The following ADGRF5 variants were observed in gnomAD, a reference collection of about 807,000 sequenced individuals.
ADGRF5 encodes the protein adhesion G protein-coupled receptor F5, also known as G-protein coupled receptor 116.
In ADGRF5, 75 loss-of-function variants were observed where a neutral mutation model predicts 132.3. The ratio of observed to expected loss-of-function variants is 0.57; its 90% CI spans 0.47 to 0.69. The LOEUF (loss-of-function observed/expected upper bound fraction) is 0.69. Ranked by LOEUF, ADGRF5 falls within the 30% of genes least tolerant of loss-of-function variation. ADGRF5 has a pLI of 0.00. For missense variants in ADGRF5, 1,516 were observed against 1,630.6 expected (o/e 0.93, Z 1.21); for synonymous variants, 629 against 597.6 (o/e 1.05, Z -0.77).
At chr6:46,912,150 G>A (rs111350640) in intron 1 of ADGRF5, among the ~76,000 whole-genome samples, 3 of 152,290 alleles carry the variant, frequency 2.0e-5, no homozygotes, top group African/African-American at 7.2e-5. Flanking sequence ...GTAAGTGACA[G>A]AGCCAGGATT....
intron 1 of ADGRF5, among the ~76,000 whole-genome samples, chr6:46,935,923 C>T (rs191494806): frequency 5.3e-5 from 8 of 152,296 alleles, no homozygotes; most frequent in African/African-American, 1.9e-4. Flanking sequence ...AAGGCGTCCT[C>T]CGGAATGAGG....
chr6:46,895,451 C>T (rs998987568), intron 3 of ADGRF5, among the ~76,000 whole-genome samples: 1 of 151,630 alleles, frequency 6.6e-6, no homozygotes, highest in East Asian at 2.0e-4. Flanking sequence ...GTCTGTTCCT[C>T]AACCTGGGAA....
intron 1 of ADGRF5, among the ~76,000 whole-genome samples, chr6:46,953,721 T>A (rs1445554749): frequency 4.3e-5 from 6 of 139,214 alleles, no homozygotes; most frequent in African/African-American, 1.6e-4. Flanking sequence ...TAGAATTGCA[T>A]ATTCCCAAGA....
At chr6:46,892,487 C>T (rs941184749) in intron 3 of ADGRF5, among the ~76,000 whole-genome samples, 1 of 152,150 alleles carries the variant, frequency 6.6e-6, no homozygotes, top group African/African-American at 2.4e-5. Flanking sequence ...CACGGTGGCT[C>T]ACGCTTGTAA....
intron 16 of ADGRF5, among the ~76,000 whole-genome samples, chr6:46,859,860 C>T (rs1370784458): frequency 5.6e-5 from 4 of 71,790 alleles, no homozygotes; most frequent in African/African-American, 1.6e-4. Context: ...AATCTTAAGC[C>T]TATATTTTTA....
intron 1 of ADGRF5, among the ~76,000 whole-genome samples, chr6:46,931,625 G>C (rs980604218): frequency 6.6e-6 from 1 of 152,236 alleles, no homozygotes; most frequent in African/African-American, 2.4e-5. Context: ...CCTAAGGCTT[G>C]GCCCAGGGGC....
At chr6:46,903,073 G>A (rs1774934276) in intron 2 of ADGRF5, among the ~76,000 whole-genome samples, 1 of 152,180 alleles carries the variant, frequency 6.6e-6, no homozygotes, top group Non-Finnish European at 1.5e-5. Flanking sequence ...AGTGGTGAGT[G>A]TCGTGTATCC....
chr6:46,926,294 G>A (rs973125669), upstream of ADGRF5, among the ~76,000 whole-genome samples: 7 of 152,142 alleles, frequency 4.6e-5, no homozygotes, highest in African/African-American at 1.7e-4. Context: ...AGATTGCAAA[G>A]CTTCCATTTT....
chr6:46,865,254 T>G (rs1035402614), intron 13 of ADGRF5, 57 bp from the exon 14 acceptor site: 1 of 1,251,484 alleles, frequency 8.0e-7, no homozygotes, highest in Non-Finnish European at 1.2e-6. Flanking sequence ...AATGCACAAA[T>G]TGTGTTAAGA....
chr6:46,867,480 A>T (rs958755358), intron 12 of ADGRF5, among the ~76,000 whole-genome samples: 2 of 152,150 alleles, frequency 1.3e-5, no homozygotes, highest in Admixed American at 1.3e-4. Context: ...AATAAATGGG[A>T]GTTTTGCCGT....
At chr6:46,868,826 T>G (rs752417204) in intron 12 of ADGRF5, 57 bp downstream of exon 12, 1 of 1,077,738 alleles carries the variant, frequency 9.3e-7, no homozygotes, top group Non-Finnish European at 1.4e-6. Flanking sequence ...TGGTAACTAT[T>G]ATTGCATGTT....
Position 46,881,521 on chromosome 6 carries a change from G to C in ADGRF5, c.748C>G (p.Gln250Glu). ...SLELIHKANE[Q>E]VVQSLNQTYK... ...GTCTGATTGAGGCTCTGTACAACTTGTTCATTGGCTTTATGTATTAACTCA... is the reference window on the plus strand; with the variant it reads ...GTCTGATTGAGGCTCTGTACAACTTCTTCATTGGCTTTATGTATTAACTCA... The change falls in exon 8 of 21, where the codon CAA becomes GAA. Residue 250 changes from glutamine to glutamate, a missense_variant. Transcript: ENST00000283296. The C allele has an allele frequency of 6.2e-7, 1 of 1,613,080 alleles. No homozygotes were observed. The highest frequency in any genetic ancestry group is 8.5e-7 in the Non-Finnish European group (1 of 1,179,042).
At chr6:46,901,461 G>C (rs1208795240) in intron 2 of ADGRF5, among the ~76,000 whole-genome samples, 1 of 152,186 alleles carries the variant, frequency 6.6e-6, no homozygotes, top group East Asian at 1.9e-4. Flanking sequence ...CGTCAGGGTT[G>C]TCTACCACTA....
rs200874020 is a variant in ADGRF5 at position 46,900,030 on chromosome 6, G to A, written c.156C>T (p.Ala52=). The change falls in exon 3 of 21, where the codon GCC becomes GCT. Residue 52 remains alanine (A), a splice_region_variant and synonymous_variant. Coordinates refer to ENST00000283296, the MANE Select transcript of ADGRF5 (RefSeq NM_001098518.2). ...ATTGCCAAGCAAGAGTTTACATACC[G>A]GCTCGTTTTTGCCTCAGTGCCTCTT... ...AGEEALRQKR[A]VATKSPTAEE... The A allele has an allele frequency of 2.2e-4, 356 of 1,605,242 alleles. 1 individual carries two copies. Among genetic ancestry groups the A allele is most frequent in the South Asian group, 5.6e-4 (51 of 90,856 alleles).
At chr6:46,933,570 T>C (rs1432722873) in intron 1 of ADGRF5, among the ~76,000 whole-genome samples, 2 of 152,184 alleles carry the variant, frequency 1.3e-5, no homozygotes, top group African/African-American at 4.8e-5. Flanking sequence ...TGAAGGTGAG[T>C]TGCTCTGCTT....
chr6:46,905,865 C>T (rs941105326), intron 2 of ADGRF5, among the ~76,000 whole-genome samples: 12 of 152,150 alleles, frequency 7.9e-5, no homozygotes, highest in African/African-American at 2.9e-4. Flanking sequence ...AGACACTGTT[C>T]TAGAGCATCT....
chr6:46,931,805 A>G (rs577148820), intron 1 of ADGRF5, among the ~76,000 whole-genome samples: 46 of 152,330 alleles, frequency 3.0e-4, no homozygotes, highest in Non-Finnish European at 5.1e-4. Context: ...CTGTAATCCC[A>G]GCTACTCGGG....
intron 3 of ADGRF5, among the ~76,000 whole-genome samples, chr6:46,888,869 T>C (rs2150855618): frequency 6.6e-6 from 1 of 152,264 alleles, no homozygotes; most frequent in African/African-American, 2.4e-5. Flanking sequence ...CTCTAAGGGC[T>C]GAACCATGCA....
intron 3 of ADGRF5, among the ~76,000 whole-genome samples, chr6:46,895,701 C>G (rs1774108239): frequency 6.6e-6 from 1 of 151,376 alleles, no homozygotes; most frequent in Non-Finnish European, 1.5e-5. Context: ...GAATAATCAA[C>G]TGGGGCTCTT....
Sources: gnomAD v4.1 joint callset for allele counts (sites outside exome capture counted in the v4.1 genomes callset) on GRCh38, gnomAD v4.1.1 for gene constraint, MANE v1.5 for transcripts, NCBI Gene and HGNC (gene_info 2026-07-23, HGNC 2026-07-21) for gene names.